The following ZNF33A variants were observed in gnomAD, a reference collection of about 807,000 sequenced individuals.
ZNF33A encodes zinc finger protein 33A, also known as brain my041 protein.
A neutral mutation model predicts 15.9 loss-of-function variants in ZNF33A; 9 were observed. The observed-to-expected ratio is 0.57, with a 90% CI of 0.34 to 0.99. The LOEUF (loss-of-function observed/expected upper bound fraction) is 0.99, where lower values mean the gene tolerates loss of function less well. Among genes scored for constraint, ZNF33A ranks in the 50% least tolerant of loss-of-function variants. The pLI, the probability that ZNF33A is intolerant of heterozygous loss-of-function variation, is 0.02. For missense variants in ZNF33A, 843 were observed against 941.6 expected (o/e 0.90, Z 1.37); for synonymous variants, 294 against 324.2 (o/e 0.91, Z 1.00).
chr10:38,055,207 A>G lies in ZNF33A; in HGVS notation c.1083A>G (p.Glu361=), dbSNP rs142500047. ...HTGQKPFQCN[E]CEKAFWDKSN... is the part of the protein sequence containing the mutation. ...GACAGAAACCCTTTCAATGTAATGA[A>G]TGTGAAAAAGCTTTCTGGGATAAGT... Residue 361 remains glutamate (E), a synonymous_variant, in exon 5 of 5, where the codon GAA becomes GAG. Transcript: ENST00000432900. The G allele has an allele frequency of 6.2e-7, 1 of 1,614,176 alleles. No homozygotes were observed. The highest frequency in any genetic ancestry group is 8.5e-7 in the Non-Finnish European group (1 of 1,180,002).
At chr10:38,034,733 A>G (rs967723106) in intron 4 of ZNF33A, among the ~76,000 whole-genome samples, 1 of 152,188 alleles carries the variant, frequency 6.6e-6, no homozygotes, top group Non-Finnish European at 1.5e-5. Context: ...TTCTGTCACT[A>G]CAAGATGGTC....
chr10:38,064,091 C>T (rs774940503), downstream of ZNF33A: 6 of 1,597,600 alleles, frequency 3.8e-6, no homozygotes, highest in East Asian at 2.2e-5. Flanking sequence ...CTCCCAGGCC[C>T]CTGAGATGCT....
chr10:38,032,533 C>G (rs2474545), intron 4 of ZNF33A, among the ~76,000 whole-genome samples: 32,895 of 151,980 alleles, frequency 0.22, 3,754 homozygotes, highest in East Asian at 0.4. Flanking sequence ...ACCTCTGCCT[C>G]CCGGGTTCAA....
At chr10:38,064,041 G>T (rs74135616), downstream of ZNF33A, 2 of 1,576,828 alleles carry the variant, frequency 1.3e-6, no homozygotes, top group Admixed American at 1.7e-5. Context: ...TCAACCCTAC[G>T]ACAGACATTT....
chr10:38,038,166 C>G (rs1277402737), intron 4 of ZNF33A, among the ~76,000 whole-genome samples: 2 of 152,154 alleles, frequency 1.3e-5, no homozygotes, highest in African/African-American at 4.8e-5. Context: ...GAGTTTTGTT[C>G]TTACTGCCCA....
At chr10:38,011,965 G>C (rs1481046459) in intron 1 of ZNF33A, among the ~76,000 whole-genome samples, 1 of 152,090 alleles carries the variant, frequency 6.6e-6, no homozygotes, top group African/African-American at 2.4e-5. Context: ...TTGTTAACTT[G>C]TTTGGCCAAT....
intron 4 of ZNF33A, among the ~76,000 whole-genome samples, chr10:38,045,237 C>T (rs1409873039): frequency 6.6e-6 from 1 of 152,116 alleles, no homozygotes; most frequent in Non-Finnish European, 1.5e-5. Context: ...TTTTCACTCC[C>T]ATTGGGTTCT....
chr10:38,012,319 C>T lies in ZNF33A; in HGVS notation c.-23C>T, dbSNP rs373109296. 6 of 1,612,986 alleles carry T rather than the reference C, an allele frequency of 3.7e-6. No individual in the cohort carries two copies. The highest frequency in any genetic ancestry group is 2.7e-5 in the African/African-American group (2 of 74,768). ...TCAGCTGTATCTTCAGAGTTGTCTC[C>T]GTCTTTCCAAGAACAGAACAAAATG... On this transcript the variant is annotated 5_prime_UTR_variant, in exon 2 of 5. Coordinates refer to ENST00000432900, the MANE Select transcript of ZNF33A (RefSeq NM_006954.2).
chr10:38,033,164 G>GT (rs1036796395), intron 4 of ZNF33A, among the ~76,000 whole-genome samples: 4 of 152,184 alleles, frequency 2.6e-5, no homozygotes. Flanking sequence ...ATTTTCTGCT[G>GT]TGTGGAGTTG....
Position 38,055,156 on chromosome 10 carries a change from C to G in ZNF33A, c.1032C>G (p.Leu344=), listed in dbSNP as rs1193288660. 1 of 1,613,982 alleles carries G rather than the reference C, an allele frequency of 6.2e-7. No individual in the cohort carries two copies. Among genetic ancestry groups the G allele is most frequent in the East Asian group, 2.2e-5 (1 of 44,886 alleles). ...AAGCTTTCTGGGAGAAGTCACATCT[C>G]ACTCGACATCAGAGGGTGCACACAG... is the stretch of plus-strand genomic sequence containing the variant. ...CGKAFWEKSH[L]TRHQRVHTGQ... The change falls in exon 5 of 5, where the codon CTC becomes CTG. Residue 344 remains leucine, a synonymous_variant. Transcript: ENST00000432900.
At chr10:38,032,612 G>A (rs1243662869) in intron 4 of ZNF33A, among the ~76,000 whole-genome samples, 1 of 151,382 alleles carries the variant, frequency 6.6e-6, no homozygotes, top group African/African-American at 2.4e-5. Flanking sequence ...TGGGATTACA[G>A]GTGCATGCCA....
Position 38,056,673 on chromosome 10 carries a change from G to A in ZNF33A, c.*113G>A. 7.1e-7 allele frequency: 1 copy of A among 1,410,822 alleles called. No homozygotes were observed. Among genetic ancestry groups the A allele is most frequent in the Non-Finnish European group, 9.2e-7 (1 of 1,087,250 alleles). 87.4% of individuals were successfully genotyped at this position (1,410,822 alleles called of 1,614,324 possible). A position where few individuals can be genotyped will look rare whatever the true frequency, so the allele number is the denominator to read the frequency against. On this transcript the variant is annotated 3_prime_UTR_variant, in exon 5 of 5. Transcript: ENST00000432900. The stretch of plus-strand genomic sequence containing the variant: ...GGAAGTGATATTCTATGTAATATCA[G>A]ATGGTTAATACGGGCATAACACCTT...
Position 38,028,143 on chromosome 10 carries a change from T to C in ZNF33A, c.250+10757T>C, listed in dbSNP as rs1482645900. On this transcript the variant is annotated intron_variant, in intron 4 of 4. Coordinates refer to ENST00000432900, the MANE Select transcript of ZNF33A (RefSeq NM_006954.2). ...AATAGTTGGGTGTGGTGGTATGCGC[T>C]TGTGGTTCCAGCTACTTGGGAGGAT... Among the ~76,000 whole-genome samples, 8 of 152,048 alleles carry C rather than the reference T, an allele frequency of 5.3e-5. 1 individual carries two copies. In the East Asian group the frequency reaches 1.5e-3, roughly 29 times the overall value.
At chr10:38,030,502 G>A (rs1377163799) in intron 4 of ZNF33A, among the ~76,000 whole-genome samples, 1 of 152,110 alleles carries the variant, frequency 6.6e-6, no homozygotes, top group African/African-American at 2.4e-5. Flanking sequence ...ATTTGTTCTG[G>A]TCCACCCCAT....
intron 4 of ZNF33A, among the ~76,000 whole-genome samples, chr10:38,021,268 C>T (rs1237512241): frequency 3.3e-5 from 5 of 152,114 alleles, no homozygotes; most frequent in Non-Finnish European, 7.4e-5. Context: ...ATAAAAGGAT[C>T]AATCCAACAA....
Position 38,025,032 on chromosome 10 carries a change from A to G in ZNF33A, c.250+7646A>G, listed in dbSNP as rs374426118. 3.1e-4 allele frequency among the ~76,000 whole-genome samples: 47 copies of G among 152,284 alleles called. 1 individual carries two copies. In the East Asian group the frequency reaches 5.8e-3, roughly 19 times the overall value. On this transcript the variant is annotated intron_variant, in intron 4 of 4. Transcript: ENST00000432900. ...ATTGTTATAACTTTTCTATTTTATGATCTTGTTAATCTTTCCCTGTCCCTA... is the reference window on the plus strand; with the variant it reads ...ATTGTTATAACTTTTCTATTTTATGGTCTTGTTAATCTTTCCCTGTCCCTA...
chr10:38,033,257 G>T (rs1046158735), intron 4 of ZNF33A, among the ~76,000 whole-genome samples: 1 of 152,022 alleles, frequency 6.6e-6, no homozygotes, highest in African/African-American at 2.4e-5. Context: ...CATATTCAAG[G>T]TTCATCCATG....
chr10:38,023,435 G>C (rs2064844348), intron 4 of ZNF33A, among the ~76,000 whole-genome samples: 1 of 152,162 alleles, frequency 6.6e-6, no homozygotes, highest in Non-Finnish European at 1.5e-5. Context: ...GGATTTATTT[G>C]AGTTATACAA....
chr10:38,029,439 TGTAAA>T (rs757328392), intron 4 of ZNF33A, among the ~76,000 whole-genome samples: 3 of 152,212 alleles, frequency 2.0e-5, no homozygotes, highest in Non-Finnish European at 2.9e-5. Flanking sequence ...GAGGATCTCT[TGTAAA>T]GTAAAAATGC....
Sources: gnomAD v4.1 joint callset for allele counts (sites outside exome capture counted in the v4.1 genomes callset) on GRCh38, gnomAD v4.1.1 for gene constraint, MANE v1.5 for transcripts, NCBI Gene and HGNC (gene_info 2026-07-23, HGNC 2026-07-21) for gene names.